Variants in CDH13 observed in about 807,000 individuals in gnomAD.
The protein encoded by CDH13 is cadherin 13.
CDH13 carries 24 observed loss-of-function variants against 63.8 expected under a neutral mutation model. That is an observed-to-expected ratio of 0.38 (90% CI 0.27 to 0.53). The LOEUF (loss-of-function observed/expected upper bound fraction) is 0.53. CDH13 is among the 20% of genes least tolerant of loss of function. The pLI is 0.85. For synonymous variants in CDH13, 503 were observed against 355.3 expected (o/e 1.42, Z -4.67); for missense variants, 1,049 against 903.1 (o/e 1.16, Z -2.07).
At chr16:83,194,685 AACAT>A (rs1156891546) in intron 4 of CDH13, among the ~76,000 whole-genome samples, 2 of 152,248 alleles carry the variant, frequency 1.3e-5, no homozygotes, top group East Asian at 3.8e-4. Context: ...GATTTTAAAA[AACAT>A]TCTAGTAGCA....
intron 2 of CDH13, among the ~76,000 whole-genome samples, chr16:83,022,712 G>C (rs1869240358): frequency 6.6e-6 from 1 of 152,106 alleles, no homozygotes; most frequent in Non-Finnish European, 1.5e-5. Context: ...TTGCACACAT[G>C]TACAAGTGGA....
intron 4 of CDH13, among the ~76,000 whole-genome samples, chr16:83,211,254 A>G (rs1403475517): frequency 6.6e-6 from 1 of 152,204 alleles, no homozygotes; most frequent in Non-Finnish European, 1.5e-5. Flanking sequence ...GTTATGACCA[A>G]TGTTCCATTT....
intron 10 of CDH13, among the ~76,000 whole-genome samples, chr16:83,694,578 G>A (rs564197332): frequency 7.0e-4 from 106 of 152,322 alleles, no homozygotes; most frequent in African/African-American, 2.5e-3. Flanking sequence ...TGCTTATGAG[G>A]TGAGAGGTAA....
chr16:83,623,837 T>C (rs765561913), intron 8 of CDH13, among the ~76,000 whole-genome samples: 3 of 152,136 alleles, frequency 2.0e-5, no homozygotes, highest in Non-Finnish European at 4.4e-5. Flanking sequence ...CTCTGGGAAA[T>C]TGAAAAGACA....
chr16:83,712,967 T>G (rs980742025), intron 10 of CDH13, among the ~76,000 whole-genome samples: 2 of 152,242 alleles, frequency 1.3e-5, no homozygotes, highest in Non-Finnish European at 2.9e-5. Context: ...TGAGCCACGT[T>G]AAAGAAATGT....
intron 3 of CDH13, among the ~76,000 whole-genome samples, chr16:83,104,679 CA>C (rs1280484951): frequency 3.3e-5 from 5 of 152,082 alleles, no homozygotes; most frequent in African/African-American, 1.2e-4. Context: ...AATAACTCCC[CA>C]AGCCGAATAA....
At chr16:82,980,169 C>T (rs1910074599) in intron 2 of CDH13, among the ~76,000 whole-genome samples, 1 of 152,148 alleles carries the variant, frequency 6.6e-6, no homozygotes, top group African/African-American at 2.4e-5. Context: ...GGTGTGTGTG[C>T]AGAAGGCCAC....
chr16:83,518,387 C>T (rs1163371148), intron 7 of CDH13, among the ~76,000 whole-genome samples: 2 of 147,540 alleles, frequency 1.4e-5, no homozygotes, highest in Non-Finnish European at 3.0e-5. Context: ...CCTTGTGATC[C>T]ACCCGCCTCG....
chr16:83,423,384 A>G (rs1056551640), intron 6 of CDH13, among the ~76,000 whole-genome samples: 8 of 152,174 alleles, frequency 5.3e-5, no homozygotes, highest in Non-Finnish European at 1.0e-4. Context: ...TGCTCTTTCA[A>G]TGGCATCACC....
At position 82,697,423 on chromosome 16, in the gene CDH13, CTTTTTTTTTTT is replaced by C. The variant is rs34376129; in HGVS notation, c.45+70300_45+70310del. 9.1e-5 allele frequency among the ~76,000 whole-genome samples: 5 copies of C among 54,896 alleles called. No individual in the cohort carries two copies. In the East Asian group the frequency reaches 3.4e-3, roughly 37 times the overall value. 36.0% of individuals were successfully genotyped at this position (54,896 alleles called of 152,430 possible). A position where few individuals can be genotyped will look rare whatever the true frequency, so the allele number is the denominator to read the frequency against. ...AAGGGGGCCAAGGCATTTCTTTTTT[CTTTTTTTTTTT>C]TTTTTTTTTTTTTGAGACAGAGTCT... On this transcript the variant is annotated intron_variant, in intron 1 of 13. Transcript: ENST00000567109.
chr16:83,212,565 C>T (rs1307816124), intron 4 of CDH13, among the ~76,000 whole-genome samples: 1 of 152,128 alleles, frequency 6.6e-6, no homozygotes, highest in African/African-American at 2.4e-5. Flanking sequence ...AAAAGACTTC[C>T]TGTTAGTGTT....
chr16:83,087,419 C>G (rs2033657807), intron 3 of CDH13, among the ~76,000 whole-genome samples: 1 of 152,078 alleles, frequency 6.6e-6, no homozygotes, highest in Non-Finnish European at 1.5e-5. Flanking sequence ...CCTGTAATCC[C>G]AGCACTTTGA....
At chr16:83,399,952 C>G (rs2091943110) in intron 6 of CDH13, among the ~76,000 whole-genome samples, 1 of 152,104 alleles carries the variant, frequency 6.6e-6, no homozygotes, top group African/African-American at 2.4e-5. Context: ...AGAACAAACA[C>G]CAAAAAACCA....
At chr16:82,687,819 A>G (rs11640875) in intron 1 of CDH13, among the ~76,000 whole-genome samples, 84,515 of 151,896 alleles carry the variant, frequency 0.56, 24,782 homozygotes, top group Non-Finnish European at 0.66. Flanking sequence ...GTGACCCAGC[A>G]AGAGTCTCTT....
At chr16:83,721,651 C>G (rs1295136925) in intron 10 of CDH13, 1 of 152,184 alleles carries the variant, frequency 6.6e-6, no homozygotes, top group Non-Finnish European at 1.5e-5. Context: ...CTCCTGGGAG[C>G]TGTAAGAAAT....
At chr16:83,397,143 C>A (rs1410565068) in intron 6 of CDH13, among the ~76,000 whole-genome samples, 1 of 152,256 alleles carries the variant, frequency 6.6e-6, no homozygotes, top group South Asian at 2.1e-4. Context: ...CCGTGGGCAA[C>A]CCCTCCTTCT....
chr16:82,648,299 A>T (rs957949942), intron 1 of CDH13, among the ~76,000 whole-genome samples: 6 of 152,230 alleles, frequency 3.9e-5, no homozygotes, highest in Non-Finnish European at 7.3e-5. Context: ...ACATTATATT[A>T]AATGATATAT....
rs200490406 is a variant in CDH13 at position 82,898,442 on chromosome 16, T to C, written c.157+39969T>C. Among the ~76,000 whole-genome samples, 26 of 152,336 alleles carry C rather than the reference T, an allele frequency of 1.7e-4. No homozygotes were observed. The East Asian group carries it at 4.4e-3, about 26-fold the overall frequency. ...CAGGAGGTGGAGACAGGAGAATTAC[T>C]TGAACCTGGGAGGCAGAGGTTGCAG... On this transcript the variant is annotated intron_variant, in intron 2 of 13. Transcript: ENST00000567109.
intron 1 of CDH13, among the ~76,000 whole-genome samples, chr16:82,848,105 A>C (rs1162652892): frequency 6.6e-6 from 1 of 152,222 alleles, no homozygotes; most frequent in East Asian, 1.9e-4. Context: ...TGTAACAATG[A>C]AAAATGTTAT....
Sources: gnomAD v4.1 joint callset for allele counts (sites outside exome capture counted in the v4.1 genomes callset) on GRCh38, gnomAD v4.1.1 for gene constraint, MANE v1.5 for transcripts, NCBI Gene and HGNC (gene_info 2026-07-23, HGNC 2026-07-21) for gene names.